SNX7: variants seen among roughly 807,000 people sequenced by gnomAD.
The protein encoded by SNX7 is sorting nexin-7.
A neutral mutation model predicts 48.4 loss-of-function variants in SNX7; 35 were observed. The observed-to-expected ratio is 0.72, with a 90% CI of 0.55 to 0.96. The LOEUF (loss-of-function observed/expected upper bound fraction) is 0.96, where lower values mean the gene tolerates loss of function less well. SNX7 is among the 40% of genes least tolerant of loss of function. The probability of loss-of-function intolerance (pLI) is 0.00; values close to 1 mark genes in which losing one functional copy is unlikely to be tolerated. For synonymous variants in SNX7, 190 were observed against 190.2 expected, an observed-to-expected ratio of 1.00 and a Z score of 0.01; for missense variants, 553 against 548.9, an observed-to-expected ratio of 1.01 and a Z score of -0.07.
intron 8 of SNX7, among the ~76,000 whole-genome samples, chr1:98,755,167 C>T (rs1654779947): frequency 1.3e-5 from 2 of 152,220 alleles, no homozygotes; most frequent in East Asian, 3.9e-4. Flanking sequence ...AGAGAACATA[C>T]TTTATATGAC....
intron 1 of SNX7, among the ~76,000 whole-genome samples, chr1:98,683,045 T>A (rs1650587303): frequency 6.6e-6 from 1 of 152,194 alleles, no homozygotes; most frequent in Non-Finnish European, 1.5e-5. Context: ...GGTGTTGCTG[T>A]TCTCTGAATT....
intron 1 of SNX7, among the ~76,000 whole-genome samples, chr1:98,665,344 A>G (rs911722599): frequency 2.0e-5 from 3 of 152,208 alleles, no homozygotes; most frequent in African/African-American, 7.2e-5. Context: ...AATAATGGGC[A>G]AAATGGGAGT....
At chr1:98,755,511 A>T (rs1654798336) in intron 8 of SNX7, among the ~76,000 whole-genome samples, 1 of 151,978 alleles carries the variant, frequency 6.6e-6, no homozygotes, top group Non-Finnish European at 1.5e-5. Flanking sequence ...TTTTATCATT[A>T]TGAAATGATC....
chr1:98,665,649 C>T (rs1649496040), intron 1 of SNX7, among the ~76,000 whole-genome samples: 1 of 152,036 alleles, frequency 6.6e-6, no homozygotes, highest in South Asian at 2.1e-4. Flanking sequence ...AGTGCAGTGG[C>T]ACAATCTTGG....
chr1:98,690,643 G>A (rs548329706), intron 2 of SNX7, among the ~76,000 whole-genome samples: 2 of 152,110 alleles, frequency 1.3e-5, no homozygotes, highest in South Asian at 4.1e-4. Flanking sequence ...TTACATTCAG[G>A]TTATTTTCCA....
intron 5 of SNX7, among the ~76,000 whole-genome samples, chr1:98,697,361 G>C (rs1651512353): frequency 6.6e-6 from 1 of 151,944 alleles, no homozygotes; most frequent in South Asian, 2.1e-4. Context: ...AAATATGACA[G>C]ATATCAGCAA....
intron 1 of SNX7, chr1:98,662,499 C>G (rs1212751270): frequency 1.4e-4 from 50 of 362,620 alleles, no homozygotes; most frequent in South Asian, 8.5e-4. Context: ...AGATGGTCAG[C>G]TACTGCCACC....
At chr1:98,686,211 G>C (rs138791050) in intron 2 of SNX7, among the ~76,000 whole-genome samples, 1 of 152,232 alleles carries the variant, frequency 6.6e-6, no homozygotes, top group African/African-American at 2.4e-5. Context: ...GGCTGAAATA[G>C]TTATTCTTCC....
chr1:98,739,079 C>T (rs557277455), intron 8 of SNX7, among the ~76,000 whole-genome samples: 65 of 152,012 alleles, frequency 4.3e-4, no homozygotes, highest in African/African-American at 1.5e-3. Context: ...AGGTGGGGGG[C>T]GGGGTTAGTT....
In SNX7 at chr1:98,685,193, A is replaced by C. The variant is rs1310572340; in HGVS notation, c.363+126A>C. On this transcript the variant is annotated intron_variant, in intron 2 of 8. Coordinates refer to ENST00000306121, the MANE Select transcript of SNX7 (RefSeq NM_015976.5). ...TAGCTGAATTGACTTTTACTTTTTC[A>C]AACCTTTTGGCTAACACATTGCTTC... 8 of 556,244 alleles carry C rather than the reference A, an allele frequency of 1.4e-5. No individual in the cohort carries two copies. The East Asian group carries it at 2.7e-4, about 19-fold the overall frequency. 34.5% of individuals were successfully genotyped at this position (556,244 alleles called of 1,614,324 possible). A position where few individuals can be genotyped will look rare whatever the true frequency, so the allele number is the denominator to read the frequency against.
At chr1:98,670,326 C>T (rs1649782979) in intron 1 of SNX7, among the ~76,000 whole-genome samples, 1 of 152,070 alleles carries the variant, frequency 6.6e-6, no homozygotes, top group Non-Finnish European at 1.5e-5. Flanking sequence ...GCACCTGCCT[C>T]AGGGAGCTTG....
At chr1:98,744,599 CTG>C (rs566519626) in intron 8 of SNX7, among the ~76,000 whole-genome samples, 104 of 152,102 alleles carry the variant, frequency 6.8e-4, no homozygotes, top group African/African-American at 2.3e-3. Flanking sequence ...CTAGTGGAAA[CTG>C]TGTAATGGAA....
chr1:98,662,781 A>G, intron 1 of SNX7: 1 of 1,289,342 alleles, frequency 7.8e-7, no homozygotes, highest in South Asian at 1.2e-5. Context: ...CATTACTAAG[A>G]AGCCTGTTCA....
intron 8 of SNX7, among the ~76,000 whole-genome samples, chr1:98,753,349 A>C (rs549832328): frequency 6.6e-6 from 1 of 152,182 alleles, no homozygotes; most frequent in African/African-American, 2.4e-5. Context: ...TTAGTACTTA[A>C]TTTAGAAAGG....
In SNX7 at chr1:98,691,860, T is replaced by G. The variant is rs539933659; in HGVS notation, c.639+161T>G. Among the ~76,000 whole-genome samples the G allele has an allele frequency of 4.6e-5, 7 of 152,002 alleles. No homozygotes were observed. In the East Asian group the frequency reaches 1.4e-3, roughly 29 times the overall value. On this transcript the variant is annotated intron_variant, in intron 4 of 8. Transcript: ENST00000306121. ...GAGAGTTATCCTTCAGATATAACCC[T>G]GTGTCAAATCTACATATAAATATTA...
chr1:98,671,117 A>G (rs922169370), intron 1 of SNX7, among the ~76,000 whole-genome samples: 2 of 152,204 alleles, frequency 1.3e-5, no homozygotes, highest in Admixed American at 1.3e-4. Context: ...TTCAATAGCT[A>G]TGTGGTTACA....
upstream of SNX7, chr1:98,661,665 A>G: frequency 2.6e-6 from 3 of 1,175,092 alleles, no homozygotes; most frequent in Non-Finnish European, 2.1e-6. Flanking sequence ...CGTGGGAGCC[A>G]ATGGGCACGC....
intron 7 of SNX7, among the ~76,000 whole-genome samples, chr1:98,733,453 C>T (rs1277445813): frequency 6.6e-6 from 1 of 152,124 alleles, no homozygotes; most frequent in Non-Finnish European, 1.5e-5. Flanking sequence ...AGACGAACAA[C>T]CTGCAGGAGA....
chr1:98,751,612 T>G (rs1278317232), intron 8 of SNX7, among the ~76,000 whole-genome samples: 1 of 152,076 alleles, frequency 6.6e-6, no homozygotes, highest in Non-Finnish European at 1.5e-5. Flanking sequence ...GGATTTGTGA[T>G]AAGCTTTTTT....
Sources: allele counts gnomAD v4.1 joint callset (sites outside exome capture counted in the v4.1 genomes callset), GRCh38; gene constraint gnomAD v4.1.1; transcripts MANE v1.5; gene names NCBI Gene and HGNC (gene_info 2026-07-23, HGNC 2026-07-21).